The following NRXN3 variants were observed in gnomAD, a reference collection of about 807,000 sequenced individuals.
NRXN3 encodes neurexin 3.
In NRXN3, 32 loss-of-function variants were observed where a neutral mutation model predicts 137.6. That is an observed-to-expected ratio of 0.23 (90% CI 0.18 to 0.31). The LOEUF is 0.31. Among genes scored for constraint, NRXN3 ranks in the 10% least tolerant of loss-of-function variants. The pLI is 1.00. For synonymous variants in NRXN3, 798 were observed against 784.5 expected (o/e 1.02, Z -0.29); for missense variants, 1,574 against 2,062.5 (o/e 0.76, Z 4.59).
chr14:79,392,859 A>G (rs1387362984), intron 15 of NRXN3, among the ~76,000 whole-genome samples: 2 of 149,320 alleles, frequency 1.3e-5, no homozygotes, highest in Non-Finnish European at 3.0e-5. Context: ...AGTCCCAGCT[A>G]CTTGGGAGTC....
intron 4 of NRXN3, among the ~76,000 whole-genome samples, chr14:78,354,802 G>C (rs918888883): frequency 1.3e-5 from 2 of 152,180 alleles, no homozygotes; most frequent in African/African-American, 4.8e-5. Flanking sequence ...CTCTCTGAAG[G>C]AACAAGGACT....
intron 16 of NRXN3, among the ~76,000 whole-genome samples, chr14:79,543,389 G>A (rs1033406581): frequency 6.6e-6 from 1 of 152,238 alleles, no homozygotes; most frequent in African/African-American, 2.4e-5. Context: ...GAGATGGTCA[G>A]TGAGGCTTCC....
chr14:78,407,446 G>A (rs1019099772), intron 4 of NRXN3, among the ~76,000 whole-genome samples: 1 of 152,136 alleles, frequency 6.6e-6, no homozygotes, highest in African/African-American at 2.4e-5. Flanking sequence ...TTCTAGCAAA[G>A]AAACCTGGGG....
chr14:78,254,330 T>G (rs116361446), intron 2 of NRXN3, among the ~76,000 whole-genome samples: 1,581 of 152,150 alleles, frequency 0.01, 31 homozygotes, highest in African/African-American at 0.036. Flanking sequence ...CCCAACTAGG[T>G]TTTTAGCGTC....
intron 4 of NRXN3, among the ~76,000 whole-genome samples, chr14:78,633,904 A>T (rs2097544406): frequency 6.6e-6 from 1 of 152,206 alleles, no homozygotes; most frequent in Admixed American, 6.5e-5. Context: ...CTCTGTCTAG[A>T]CTTGCAGGCT....
chr14:79,569,910 A>T (rs2097584137), intron 16 of NRXN3, among the ~76,000 whole-genome samples: 1 of 152,072 alleles, frequency 6.6e-6, no homozygotes, highest in African/African-American at 2.4e-5. Context: ...TGCCTGGCCA[A>T]CAGAACATAT....
At position 78,659,317 on chromosome 14, in the gene NRXN3, T is replaced by C. The variant is rs1353512813; in HGVS notation, c.1221+7991T>C. Among the ~76,000 whole-genome samples the C allele has an allele frequency of 2.6e-5, 4 of 152,106 alleles. No homozygotes were observed. In the East Asian group the frequency reaches 7.7e-4, roughly 29 times the overall value. ...TAAGTTTCGGTAAAGTCAACCAGTC[T>C]GTGGTATTTTGTTATGGCAGCTCTA... On this transcript the variant is annotated intron_variant, in intron 6 of 20. Coordinates refer to ENST00000335750, the MANE Select transcript of NRXN3 (RefSeq NM_001330195.2).
At chr14:78,544,727 A>G (rs2096622335) in intron 4 of NRXN3, among the ~76,000 whole-genome samples, 1 of 152,230 alleles carries the variant, frequency 6.6e-6, no homozygotes, top group African/African-American at 2.4e-5. Context: ...ACTGGAAAAG[A>G]AAAATAGTTC....
chr14:79,257,142 T>A (rs1336845938), intron 15 of NRXN3, among the ~76,000 whole-genome samples: 1 of 152,088 alleles, frequency 6.6e-6, no homozygotes, highest in African/African-American at 2.4e-5. Context: ...AAGAGTGTAT[T>A]GCTTAAACCT....
Position 79,280,782 on chromosome 14 carries a change from C to G in NRXN3, c.3263-186439C>G, listed in dbSNP as rs544488581. On this transcript the variant is annotated intron_variant, in intron 15 of 20. Transcript: ENST00000335750. ...AGGGTTCTTTTCCCCTTAGCTCCCTCATTCATAGCTGCACAGACACCACAC... is the reference window on the plus strand; with the variant it reads ...AGGGTTCTTTTCCCCTTAGCTCCCTGATTCATAGCTGCACAGACACCACAC... 6.0e-6 allele frequency: 3 copies of G among 504,108 alleles called. No individual in the cohort carries two copies. In the East Asian group the frequency reaches 1.1e-4, roughly 18 times the overall value. 31.2% of individuals were successfully genotyped at this position (504,108 alleles called of 1,614,324 possible). A position where few individuals can be genotyped will look rare whatever the true frequency, so the allele number is the denominator to read the frequency against.
intron 1 of NRXN3, among the ~76,000 whole-genome samples, chr14:78,238,244 A>G (rs552645730): frequency 1.3e-5 from 2 of 151,766 alleles, no homozygotes; most frequent in Admixed American, 6.6e-5. Flanking sequence ...TAATTATGTA[A>G]ATTAGCTGAC....
chr14:78,419,478 T>C (rs1183825539), intron 4 of NRXN3, among the ~76,000 whole-genome samples: 1 of 152,106 alleles, frequency 6.6e-6, no homozygotes, highest in African/African-American at 2.4e-5. Flanking sequence ...GTTCTGGGAT[T>C]ACAGGCATGA....
chr14:78,183,261 G>C (rs1402549169), intron 1 of NRXN3, among the ~76,000 whole-genome samples: 2 of 152,120 alleles, frequency 1.3e-5, no homozygotes, highest in Admixed American at 1.3e-4. Flanking sequence ...ACCCTCCATT[G>C]CCTTTTTTCT....
intron 3 of NRXN3, among the ~76,000 whole-genome samples, chr14:78,284,386 G>C (rs995612074): frequency 2.0e-4 from 31 of 152,072 alleles, no homozygotes; most frequent in African/African-American, 6.5e-4. Flanking sequence ...TACATTGATT[G>C]ATATCTCATG....
chr14:79,080,764 C>T (rs1053385893), intron 15 of NRXN3, among the ~76,000 whole-genome samples: 1 of 152,092 alleles, frequency 6.6e-6, no homozygotes, highest in African/African-American at 2.4e-5. Context: ...AGAGTTTTGC[C>T]AAATGCTTGT....
intron 15 of NRXN3, among the ~76,000 whole-genome samples, chr14:79,398,390 T>C (rs1342195735): frequency 6.6e-6 from 1 of 152,180 alleles, no homozygotes; most frequent in Non-Finnish European, 1.5e-5. Flanking sequence ...GAATAAATTG[T>C]TTCAAAAATG....
intron 1 of NRXN3, among the ~76,000 whole-genome samples, chr14:78,202,030 C>T (rs565434105): frequency 6.6e-6 from 1 of 152,306 alleles, no homozygotes; most frequent in African/African-American, 2.4e-5. Flanking sequence ...GAATGGGTGG[C>T]TGGTTCAGGT....
chr14:79,451,109 C>T (rs1407793341), intron 15 of NRXN3, among the ~76,000 whole-genome samples: 1 of 151,240 alleles, frequency 6.6e-6, no homozygotes, highest in East Asian at 2.0e-4. Context: ...CAGGATTCTC[C>T]TTCCACTCTT....
intron 15 of NRXN3, among the ~76,000 whole-genome samples, chr14:79,116,674 T>C (rs2054504488): frequency 6.6e-6 from 1 of 152,202 alleles, no homozygotes; most frequent in African/African-American, 2.4e-5. Context: ...GTTTCTCTGG[T>C]GTGTGAAGGG....
Sources: allele counts gnomAD v4.1 joint callset (sites outside exome capture counted in the v4.1 genomes callset), GRCh38; gene constraint gnomAD v4.1.1; transcripts MANE v1.5; gene names NCBI Gene and HGNC (gene_info 2026-07-23, HGNC 2026-07-21).